Variants in SGCZ observed in about 807,000 individuals in gnomAD.
SGCZ encodes zeta-sarcoglycan.
SGCZ carries 40 observed loss-of-function variants against 41.3 expected under a neutral mutation model. That is an observed-to-expected ratio of 0.97 (90% CI 0.75 to 1.26). SGCZ has a LOEUF of 1.26. SGCZ is among the 50% of genes most tolerant of loss of function. The probability of loss-of-function intolerance (pLI) is 0.00; values close to 1 mark genes in which losing one functional copy is unlikely to be tolerated. For missense variants in SGCZ, 552 were observed against 369.8 expected (o/e 1.49, Z -4.04); for synonymous variants, 206 against 137.5 (o/e 1.50, Z -3.49).
intron 4 of SGCZ, among the ~76,000 whole-genome samples, chr8:14,202,478 A>T (rs1212862523): frequency 2.0e-5 from 3 of 152,058 alleles, no homozygotes; most frequent in Admixed American, 6.6e-5. Flanking sequence ...TGTCTATTTC[A>T]TATTGGGTTT....
intron 1 of SGCZ, among the ~76,000 whole-genome samples, chr8:14,678,687 C>A (rs1433452938): frequency 4.6e-5 from 7 of 152,194 alleles, no homozygotes; most frequent in African/African-American, 1.7e-4. Flanking sequence ...GCTCCACGGT[C>A]TTCCTCAAAA....
chr8:14,472,602 C>T (rs557701257), intron 2 of SGCZ, among the ~76,000 whole-genome samples: 5 of 152,034 alleles, frequency 3.3e-5, no homozygotes, highest in African/African-American at 4.8e-5. Context: ...GATGTTTAAG[C>T]GTGCAGTGGT....
intron 1 of SGCZ, among the ~76,000 whole-genome samples, chr8:14,878,466 A>C (rs1470753898): frequency 6.6e-6 from 1 of 152,162 alleles, no homozygotes; most frequent in African/African-American, 2.4e-5. Flanking sequence ...AATAAGTAGT[A>C]CTGTGGTTCT....
At chr8:14,853,645 T>C (rs1330034139) in intron 1 of SGCZ, 2 of 326,940 alleles carry the variant, frequency 6.1e-6, no homozygotes, top group East Asian at 1.6e-4. Context: ...TCTAAATAGA[T>C]TGTCATCAAT....
At chr8:14,471,937 G>C (rs1441739771) in intron 2 of SGCZ, among the ~76,000 whole-genome samples, 1 of 151,970 alleles carries the variant, frequency 6.6e-6, no homozygotes, top group African/African-American at 2.4e-5. Context: ...GAGATACTGA[G>C]ACATACCCAC....
intron 2 of SGCZ, among the ~76,000 whole-genome samples, chr8:14,386,316 AC>A (rs1804575889): frequency 1.3e-5 from 2 of 151,258 alleles, no homozygotes; most frequent in Non-Finnish European, 2.9e-5. Context: ...AAAAAAAAAA[AC>A]ATTCTTAGTA....
chr8:14,627,600 T>C (rs1462878583), intron 1 of SGCZ, among the ~76,000 whole-genome samples: 5 of 152,262 alleles, frequency 3.3e-5, no homozygotes. Flanking sequence ...TTTTTAGCAA[T>C]ATATGGTTAT....
intron 2 of SGCZ, among the ~76,000 whole-genome samples, chr8:14,398,281 C>T (rs1219771730): frequency 6.6e-6 from 1 of 152,138 alleles, no homozygotes; most frequent in Non-Finnish European, 1.5e-5. Context: ...GAAATGAGAA[C>T]AGTGTGACCT....
intron 4 of SGCZ, among the ~76,000 whole-genome samples, chr8:14,225,335 G>A (rs1370140787): frequency 6.6e-6 from 1 of 151,984 alleles, no homozygotes; most frequent in African/African-American, 2.4e-5. Context: ...GGGTTTTGAA[G>A]GTAAGCTGAT....
intron 1 of SGCZ, among the ~76,000 whole-genome samples, chr8:14,823,245 A>C (rs1802175597): frequency 6.7e-6 from 1 of 148,472 alleles, no homozygotes; most frequent in African/African-American, 2.4e-5. Flanking sequence ...TACATCAAAC[A>C]AAAAAACGTT....
chr8:14,294,439 T>C lies in SGCZ; in HGVS notation c.336+29664A>G, dbSNP rs1411992585. Among the ~76,000 whole-genome samples, 7 of 151,886 alleles carry C rather than the reference T, an allele frequency of 4.6e-5. No individual in the cohort carries two copies. The East Asian group carries it at 1.2e-3, about 25-fold the overall frequency. Reference sequence around the variant, plus strand: ...GGTACCTCCAAGGAAAGATGGAAACTTACAACTAGAAACATTCTAGAAGAA... The same window carrying C: ...GGTACCTCCAAGGAAAGATGGAAACCTACAACTAGAAACATTCTAGAAGAA... On this transcript the variant is annotated intron_variant, in intron 3 of 7. Transcript: ENST00000382080.
intron 1 of SGCZ, among the ~76,000 whole-genome samples, chr8:14,672,636 A>G (rs997253708): frequency 1.3e-5 from 2 of 152,118 alleles, no homozygotes; most frequent in African/African-American, 4.8e-5. Context: ...ACTACAAGAA[A>G]AGCTTTTTGG....
At chr8:14,330,273 G>A (rs564308452) in intron 2 of SGCZ, among the ~76,000 whole-genome samples, 7 of 151,990 alleles carry the variant, frequency 4.6e-5, no homozygotes, top group African/African-American at 1.7e-4. Context: ...TGGATATGAA[G>A]TATGTGGTTA....
At chr8:14,273,216 A>G (rs1341703533) in intron 3 of SGCZ, among the ~76,000 whole-genome samples, 3 of 152,110 alleles carry the variant, frequency 2.0e-5, no homozygotes, top group African/African-American at 4.8e-5. Context: ...AAATAATATA[A>G]AATGTACTTT....
chr8:14,853,607 G>A, intron 1 of SGCZ: 2 of 405,490 alleles, frequency 4.9e-6, no homozygotes, highest in South Asian at 3.5e-5. Flanking sequence ...TCACTGAAGT[G>A]GTTTGCTTTG....
intron 1 of SGCZ, among the ~76,000 whole-genome samples, chr8:14,629,330 G>C (rs73664412): frequency 0.032 from 4,813 of 152,076 alleles, 248 homozygotes; most frequent in African/African-American, 0.11. Context: ...ATTGTTTTTA[G>C]TGACTAGTAG....
At chr8:14,437,021 G>A (rs1056829653) in intron 2 of SGCZ, among the ~76,000 whole-genome samples, 1 of 152,134 alleles carries the variant, frequency 6.6e-6, no homozygotes, top group Non-Finnish European at 1.5e-5. Context: ...CCTTTACCAG[G>A]AGCGGGTTAG....
At chr8:14,124,757 G>T (rs1446488658) in intron 5 of SGCZ, among the ~76,000 whole-genome samples, 2 of 151,940 alleles carry the variant, frequency 1.3e-5, no homozygotes, top group Non-Finnish European at 2.9e-5. Flanking sequence ...TCTTTTTCCA[G>T]CACACTAAAT....
At chr8:14,576,505 T>C (rs1396421748) in intron 1 of SGCZ, among the ~76,000 whole-genome samples, 1 of 152,234 alleles carries the variant, frequency 6.6e-6, no homozygotes, top group African/African-American at 2.4e-5. Context: ...AAACATTTTC[T>C]ATTTAGTTAC....
Sources: gnomAD v4.1 joint callset for allele counts (sites outside exome capture counted in the v4.1 genomes callset) on GRCh38, gnomAD v4.1.1 for gene constraint, MANE v1.5 for transcripts, NCBI Gene and HGNC (gene_info 2026-07-23, HGNC 2026-07-21) for gene names.